The following CNTLN variants were observed in gnomAD, a reference collection of about 807,000 sequenced individuals.
CNTLN encodes centlein, centrosomal protein.
In CNTLN, 212 loss-of-function variants were observed where a neutral mutation model predicts 180.0. The ratio of observed to expected loss-of-function variants is 1.18; its 90% CI spans 1.05 to 1.32. CNTLN has a LOEUF of 1.32. Among genes scored for constraint, CNTLN ranks in the 40% most tolerant of loss-of-function variants. CNTLN has a pLI of 0.00. For synonymous variants in CNTLN, 722 were observed against 563.1 expected (o/e 1.28, Z -3.99); for missense variants, 2,095 against 1,610.9 (o/e 1.30, Z -5.14).
intron 23 of CNTLN, among the ~76,000 whole-genome samples, chr9:17,483,092 G>C (rs1832728716): frequency 6.6e-6 from 1 of 151,658 alleles, no homozygotes; most frequent in South Asian, 2.1e-4. Context: ...AAAAGAAAAA[G>C]AACAAATAAT....
At chr9:17,409,834 A>T (rs1827702553) in intron 16 of CNTLN, among the ~76,000 whole-genome samples, 1 of 152,100 alleles carries the variant, frequency 6.6e-6, no homozygotes, top group Non-Finnish European at 1.5e-5. Flanking sequence ...AAATCTCTAA[A>T]TTACTTATTT....
intron 18 of CNTLN, among the ~76,000 whole-genome samples, chr9:17,446,194 T>C (rs1830407598): frequency 6.6e-6 from 1 of 152,120 alleles, no homozygotes; most frequent in Non-Finnish European, 1.5e-5. Context: ...GGATCCTCCA[T>C]ATGCTGAACG....
At chr9:17,399,346 A>G (rs188636078) in intron 15 of CNTLN, among the ~76,000 whole-genome samples, 11 of 152,112 alleles carry the variant, frequency 7.2e-5, no homozygotes, top group African/African-American at 2.2e-4. Context: ...TTCTACTTCT[A>G]TTTTCTCTTA....
At chr9:17,298,113 A>G in intron 6 of CNTLN, 77 bp from the exon 7 acceptor site, 1 of 1,248,588 alleles carries the variant, frequency 8.0e-7, no homozygotes, top group Non-Finnish European at 1.0e-6. Flanking sequence ...CCAATCTGTA[A>G]CCTTAGATGA....
At chr9:17,481,111 C>T (rs1371236712) in intron 23 of CNTLN, among the ~76,000 whole-genome samples, 1 of 152,118 alleles carries the variant, frequency 6.6e-6, no homozygotes, top group South Asian at 2.1e-4. Flanking sequence ...ACAGTCCCTA[C>T]CCAACTGTGG....
intron 18 of CNTLN, among the ~76,000 whole-genome samples, chr9:17,431,130 C>G (rs1474663648): frequency 6.6e-6 from 1 of 152,046 alleles, no homozygotes; most frequent in Non-Finnish European, 1.5e-5. Flanking sequence ...AAACTCCATA[C>G]TGTTTTCCAT....
chr9:17,196,663 ATGT>A (rs1822153387), intron 2 of CNTLN, among the ~76,000 whole-genome samples: 1 of 150,756 alleles, frequency 6.6e-6, no homozygotes, highest in African/African-American at 2.4e-5. Context: ...AATATTTTTA[ATGT>A]TTATATATTT....
intron 2 of CNTLN, among the ~76,000 whole-genome samples, chr9:17,215,289 C>A (rs935839825): frequency 1.4e-4 from 21 of 152,234 alleles, no homozygotes; most frequent in African/African-American, 5.1e-4. Flanking sequence ...CCATTAGCTG[C>A]ATGTCTGTTG....
chr9:17,249,164 CTT>C (rs1012132696), intron 5 of CNTLN, among the ~76,000 whole-genome samples: 1 of 152,034 alleles, frequency 6.6e-6, no homozygotes, highest in African/African-American at 2.4e-5. Context: ...AAGATACAAA[CTT>C]AGGATATTAA....
chr9:17,159,972 T>A (rs1271099448), intron 2 of CNTLN, among the ~76,000 whole-genome samples: 1 of 152,178 alleles, frequency 6.6e-6, no homozygotes, highest in Non-Finnish European at 1.5e-5. Context: ...TTAAAACTGC[T>A]CAATTTTGGG....
At chr9:17,297,997 G>A (rs899199777) in intron 6 of CNTLN, among the ~76,000 whole-genome samples, 193 bp from the exon 7 acceptor site, 3 of 152,018 alleles carry the variant, frequency 2.0e-5, no homozygotes, top group Non-Finnish European at 2.9e-5. Flanking sequence ...AGTCATAGTC[G>A]TTGTATCAAT....
chr9:17,475,660 C>G (rs1832295336), intron 23 of CNTLN, among the ~76,000 whole-genome samples: 1 of 151,880 alleles, frequency 6.6e-6, no homozygotes, highest in Admixed American at 6.6e-5. Context: ...ATCACGAGGT[C>G]AGGAGATCAA....
At chr9:17,200,845 C>G (rs987630942) in intron 2 of CNTLN, among the ~76,000 whole-genome samples, 1 of 152,134 alleles carries the variant, frequency 6.6e-6, no homozygotes, top group Non-Finnish European at 1.5e-5. Context: ...CCTGATTGCC[C>G]TGGCCAGATC....
intron 12 of CNTLN, among the ~76,000 whole-genome samples, chr9:17,345,651 A>G (rs1821820954): frequency 6.6e-6 from 1 of 152,036 alleles, no homozygotes; most frequent in African/African-American, 2.4e-5. Flanking sequence ...GTTTTCATTT[A>G]CATACCTTTA....
At chr9:17,465,125 T>G (rs1011151880) in intron 21 of CNTLN, among the ~76,000 whole-genome samples, 1 of 128,456 alleles carries the variant, frequency 7.8e-6, no homozygotes, top group Non-Finnish European at 1.8e-5. Flanking sequence ...GTTTTTTTTG[T>G]TTTTTTTTTT....
chr9:17,197,380 A>G (rs562857931), intron 2 of CNTLN, among the ~76,000 whole-genome samples: 1 of 152,222 alleles, frequency 6.6e-6, no homozygotes, highest in Non-Finnish European at 1.5e-5. Flanking sequence ...CATTTCTCTG[A>G]TGATCAATGA....
In CNTLN at chr9:17,380,402, C is replaced by T. The variant is rs112149404; in HGVS notation, c.1988-7760C>T. On this transcript the variant is annotated intron_variant, in intron 13 of 25. Coordinates refer to ENST00000380647, the MANE Select transcript of CNTLN (RefSeq NM_017738.4). ...AGCCAAAGGCCCCCAATAAAAATGCCTCCATATTGAGACACCTGTGGTAGA... is the reference window on the plus strand; with the variant it reads ...AGCCAAAGGCCCCCAATAAAAATGCTTCCATATTGAGACACCTGTGGTAGA... Among the ~76,000 whole-genome samples, 1,111 of 152,278 alleles carry T rather than the reference C, an allele frequency of 7.3e-3. 6 individuals are homozygous for T. Among genetic ancestry groups the T allele is most frequent in the Admixed American group, 9.0e-3 (138 of 15,304 alleles).
chr9:17,182,165 A>AT (rs34443963), intron 2 of CNTLN, among the ~76,000 whole-genome samples: 27,033 of 145,890 alleles, frequency 0.19, 2,533 homozygotes, highest in South Asian at 0.29. Context: ...GTAGGGCCAC[A>AT]TTTTTTTTTT....
the CNTLN span, among the ~76,000 whole-genome samples, chr9:17,511,821 G>A: frequency 1.3e-5 from 2 of 152,102 alleles, no homozygotes; most frequent in African/African-American, 4.8e-5. Flanking sequence ...GAGGCTACTG[G>A]GGAAATTGCC....
Sources: allele counts gnomAD v4.1 joint callset (sites outside exome capture counted in the v4.1 genomes callset), GRCh38; gene constraint gnomAD v4.1.1; transcripts MANE v1.5; gene names NCBI Gene and HGNC (gene_info 2026-07-23, HGNC 2026-07-21).